Variants in ANKS1A observed in about 807,000 individuals in gnomAD.
The protein encoded by ANKS1A is ankyrin repeat and SAM domain-containing protein 1A.
ANKS1A carries 55 observed loss-of-function variants against 120.3 expected under a neutral mutation model. The observed-to-expected ratio is 0.46, with a 90% CI of 0.37 to 0.57. ANKS1A has a LOEUF of 0.57. ANKS1A is among the 20% of genes least tolerant of loss of function. The pLI is 0.00. For synonymous variants in ANKS1A, 590 were observed against 604.7 expected, an observed-to-expected ratio of 0.98 and a Z score of 0.36; for missense variants, 1,123 against 1,480.3, an observed-to-expected ratio of 0.76 and a Z score of 3.96.
At chr6:34,905,532 T>G (rs758295499) in intron 1 of ANKS1A, among the ~76,000 whole-genome samples, 8 of 152,242 alleles carry the variant, frequency 5.3e-5, no homozygotes, top group East Asian at 1.9e-4. Flanking sequence ...TTACATACAT[T>G]TATTTGCTCA....
intron 1 of ANKS1A, among the ~76,000 whole-genome samples, chr6:34,927,014 A>G (rs1046758325): frequency 1.3e-5 from 2 of 152,220 alleles, no homozygotes; most frequent in African/African-American, 4.8e-5. Context: ...CAGTTAACCT[A>G]TCTGTGCCTC....
chr6:35,016,511 G>A (rs1774012663), intron 10 of ANKS1A, among the ~76,000 whole-genome samples: 1 of 152,170 alleles, frequency 6.6e-6, no homozygotes, highest in African/African-American at 2.4e-5. Context: ...CCAGTGTAGT[G>A]CTGATGTTAG....
chr6:35,027,887 C>T (rs1416052059), intron 11 of ANKS1A, among the ~76,000 whole-genome samples: 5 of 152,190 alleles, frequency 3.3e-5, no homozygotes, highest in African/African-American at 9.6e-5. Flanking sequence ...AGATGCTGAG[C>T]GAATCTTTCC....
intron 1 of ANKS1A, among the ~76,000 whole-genome samples, chr6:34,943,678 C>G (rs73421536): frequency 9.2e-5 from 14 of 152,156 alleles, no homozygotes. Context: ...TGGAATCATA[C>G]AGTATGGAGC....
chr6:35,079,937 G>A lies in ANKS1A; in HGVS notation c.2544+9G>A, dbSNP rs1185342288. 1.9e-6 allele frequency: 3 copies of A among 1,552,770 alleles called. No homozygotes were observed. In the South Asian group the frequency reaches 3.6e-5, roughly 18 times the overall value. The stretch of plus-strand genomic sequence containing the variant: ...GATTCTCCCAGCTGAGGGTGAGTCG[G>A]GGAGGGACAGAAAGGAATGTATGTT... On this transcript the variant is annotated intron_variant, in intron 16 of 23. Coordinates refer to ENST00000360359, the MANE Select transcript of ANKS1A (RefSeq NM_015245.3).
At position 34,981,974 on chromosome 6, in the gene ANKS1A, C is replaced by T. The variant is rs779504764; in HGVS notation, c.720C>T (p.Asp240=). The T allele has an allele frequency of 6.2e-7, 1 of 1,613,938 alleles. No individual in the cohort carries two copies. The highest frequency in any genetic ancestry group is 8.5e-7 in the Non-Finnish European group (1 of 1,179,870). ...AGGTCCTCCTCGATGCTGGCATGGACAGCAACTACCAGGTAGCAGGGCGGG... is the reference window on the plus strand; with the variant it reads ...AGGTCCTCCTCGATGCTGGCATGGATAGCAACTACCAGGTAGCAGGGCGGG... ...VVQVLLDAGM[D]SNYQTEMGSA... is the part of the protein sequence containing the mutation. The change falls in exon 4 of 24, where the codon GAC becomes GAT. Residue 240 remains aspartate, a synonymous_variant. Transcript: ENST00000360359.
chr6:34,967,452 C>T, intron 2 of ANKS1A, 133 bp downstream of exon 2: 3 of 716,984 alleles, frequency 4.2e-6, no homozygotes, highest in Non-Finnish European at 6.6e-6. Flanking sequence ...CTTTGGGAGG[C>T]CGAGGTGGGA....
Position 35,086,275 on chromosome 6 carries a change from G to A in ANKS1A, c.3303+339G>A, listed in dbSNP as rs368410999. ...TGCTTTGCTCTGCACCCCAGGTGCC[G>A]CTGCCCCCCGATAGTCGCTGTTGTT... On this transcript the variant is annotated intron_variant, in intron 22 of 23. Transcript: ENST00000360359. The surrounding 1 kb of genome is among the most constrained non-coding windows in gnomAD (Gnocchi z 5.1). 5.3e-6 allele frequency: 7 copies of A among 1,333,320 alleles called. No homozygotes were observed. The highest frequency in any genetic ancestry group is 1.2e-5 in the South Asian group (1 of 81,384). The allele number at this position is 1,333,320 out of a possible 1,614,324, so 82.6% of individuals were successfully genotyped here. A position where few individuals can be genotyped will look rare whatever the true frequency, so the allele number is the denominator to read the frequency against.
At chr6:35,047,259 T>C (rs1775761220) in intron 11 of ANKS1A, among the ~76,000 whole-genome samples, 1 of 152,224 alleles carries the variant, frequency 6.6e-6, no homozygotes, top group Admixed American at 6.5e-5. Context: ...ACCACCCTGA[T>C]ATTATAAGAC....
intron 10 of ANKS1A, among the ~76,000 whole-genome samples, chr6:35,005,570 A>G (rs1344926039): frequency 6.6e-6 from 1 of 152,262 alleles, no homozygotes; most frequent in Non-Finnish European, 1.5e-5. Flanking sequence ...AATTATTGAG[A>G]TAAAAGCAGA....
intron 1 of ANKS1A, among the ~76,000 whole-genome samples, chr6:34,931,445 G>A (rs745944188): frequency 2.6e-5 from 4 of 152,114 alleles, no homozygotes; most frequent in African/African-American, 7.2e-5. Flanking sequence ...ACCGTGCCCA[G>A]CCTAAGGCTG....
chr6:35,083,460 C>A lies in ANKS1A; in HGVS notation c.2951C>A (p.Ser984Tyr). The change falls in exon 20 of 24, where the codon TCC (serine) becomes TAC (tyrosine). Residue 984 changes from serine to tyrosine, a missense_variant. Coordinates refer to ENST00000360359, the MANE Select transcript of ANKS1A (RefSeq NM_015245.3). Reference sequence around the variant, plus strand: ...AAGAAGATCCCCACCATCATCCTGTCCATCACATACAAAGGTGTCAAGTTC... The same window carrying A: ...AAGAAGATCCCCACCATCATCCTGTACATCACATACAAAGGTGTCAAGTTC... ...HMKKIPTIIL[S>Y]ITYKGVKFID... 1 of 1,614,074 alleles carries A rather than the reference C, an allele frequency of 6.2e-7. No homozygotes were observed. The highest frequency in any genetic ancestry group is 1.3e-5 in the African/African-American group (1 of 75,016).
In ANKS1A at chr6:35,088,825, A is replaced by C; in HGVS notation, c.*216A>C. On this transcript the variant is annotated 3_prime_UTR_variant, in exon 24 of 24. Coordinates refer to ENST00000360359, the MANE Select transcript of ANKS1A (RefSeq NM_015245.3). ...TGGAGAAGCACTCCAGGCCGCTAGC[A>C]GATGGGACTGGCATTCCAGAGGGTC... 1 of 1,473,660 alleles carries C rather than the reference A, an allele frequency of 6.8e-7. No homozygotes were observed. Among genetic ancestry groups the C allele is most frequent in the Non-Finnish European group, 9.0e-7 (1 of 1,114,378 alleles). 91.3% of individuals were successfully genotyped at this position (1,473,660 alleles called of 1,614,324 possible).
At chr6:34,952,236 C>G (rs749632263) in intron 1 of ANKS1A, among the ~76,000 whole-genome samples, 1 of 152,062 alleles carries the variant, frequency 6.6e-6, no homozygotes, top group Non-Finnish European at 1.5e-5. Context: ...TATACTTGGC[C>G]CATAGTAAAC....
At chr6:35,074,602 T>C (rs1297528823) in intron 13 of ANKS1A, among the ~76,000 whole-genome samples, 1 of 152,222 alleles carries the variant, frequency 6.6e-6, no homozygotes, top group Non-Finnish European at 1.5e-5. Flanking sequence ...GCTGCCTCTC[T>C]CTGCCTTTCT....
At chr6:35,036,639 G>T (rs1775187914) in intron 11 of ANKS1A, among the ~76,000 whole-genome samples, 2 of 152,142 alleles carry the variant, frequency 1.3e-5, no homozygotes, top group South Asian at 4.1e-4. Context: ...ATCTGGTTTT[G>T]GTTCAGTGAC....
rs76564522 is a variant in ANKS1A, at chr6:34,926,501, C to T, written c.197+36902C>T. Among the ~76,000 whole-genome samples the T allele has an allele frequency of 7.6e-3, 1,158 of 152,246 alleles. 21 individuals are homozygous for T. Among genetic ancestry groups the T allele is most frequent in the African/African-American group, 0.025 (1,057 of 41,530 alleles). Reference sequence around the variant, plus strand: ...CTTCTGACTTGTCATGCAGCTAATTCGAATACCTTAAAACAAGAATTTCTC... The same window carrying T: ...CTTCTGACTTGTCATGCAGCTAATTTGAATACCTTAAAACAAGAATTTCTC... On this transcript the variant is annotated intron_variant, in intron 1 of 23. Coordinates refer to ENST00000360359, the MANE Select transcript of ANKS1A (RefSeq NM_015245.3).
chr6:35,086,095 C>T lies in ANKS1A; in HGVS notation c.3303+159C>T, dbSNP rs528912025. Reference sequence around the variant, plus strand: ...GTCCCCCAACCCTGCCAGGTCTCGCCCCTGGAAAGGCAGCAGCTCCTCTGG... The same window carrying T: ...GTCCCCCAACCCTGCCAGGTCTCGCTCCTGGAAAGGCAGCAGCTCCTCTGG... On this transcript the variant is annotated intron_variant, in intron 22 of 23. Transcript: ENST00000360359. This position sits in a 1 kb window ranked among gnomAD's most constrained non-coding sequence, Gnocchi z 5.1. Among the ~76,000 whole-genome samples the T allele has an allele frequency of 2.8e-4, 43 of 152,242 alleles. No individual in the cohort carries two copies. Among genetic ancestry groups the T allele is most frequent in the Admixed American group, 1.7e-3 (26 of 15,298 alleles).
intron 13 of ANKS1A, among the ~76,000 whole-genome samples, chr6:35,061,918 G>A (rs1776527092): frequency 6.6e-6 from 1 of 152,194 alleles, no homozygotes; most frequent in African/African-American, 2.4e-5. Flanking sequence ...CGTCAGATGG[G>A]CAAGTGAGGG....
Sources: allele counts gnomAD v4.1 joint callset (sites outside exome capture counted in the v4.1 genomes callset), GRCh38; gene constraint gnomAD v4.1.1; non-coding constraint Gnocchi (gnomAD v3.1); transcripts MANE v1.5; gene names NCBI Gene and HGNC (gene_info 2026-07-23, HGNC 2026-07-21).